OTOGL: variants seen among roughly 807,000 people sequenced by gnomAD.
OTOGL encodes the protein otogelin like.
A neutral mutation model predicts 318.5 loss-of-function variants in OTOGL; 285 were observed. The observed-to-expected ratio is 0.89, with a 90% CI of 0.81 to 0.99. OTOGL has a LOEUF of 0.99. OTOGL is among the 50% of genes least tolerant of loss of function. The pLI is 0.00. For missense variants in OTOGL, 2,899 were observed against 2,845.6 expected, an observed-to-expected ratio of 1.02 and a Z score of -0.43; for synonymous variants, 987 against 936.5, an observed-to-expected ratio of 1.05 and a Z score of -0.99.
At chr12:80,188,385 A>G (rs1279591619) in intron 1 of OTOGL, among the ~76,000 whole-genome samples, 1 of 151,890 alleles carries the variant, frequency 6.6e-6, no homozygotes, top group Admixed American at 6.6e-5. Context: ...TAAAAATACA[A>G]AAATTAGCCG....
chr12:80,220,640 C>A (rs1224313750), intron 6 of OTOGL, among the ~76,000 whole-genome samples: 1 of 119,726 alleles, frequency 8.4e-6, no homozygotes, highest in Non-Finnish European at 1.8e-5. Flanking sequence ...AATCTTTTAT[C>A]CACAGTGTCT....
At chr12:80,244,456 T>C (rs947482961) in intron 11 of OTOGL, among the ~76,000 whole-genome samples, 37 of 150,498 alleles carry the variant, frequency 2.5e-4, no homozygotes, top group Middle Eastern at 3.4e-3. Flanking sequence ...TTACTGAGAA[T>C]GATGATTTCC....
At chr12:80,256,947 A>G (rs1882102992) in intron 17 of OTOGL, among the ~76,000 whole-genome samples, 1 of 152,036 alleles carries the variant, frequency 6.6e-6, no homozygotes, top group Non-Finnish European at 1.5e-5. Context: ...CAGCATATTT[A>G]GGGGGAACCA....
At chr12:80,183,640 G>A (rs1382845311) in intron 1 of OTOGL, among the ~76,000 whole-genome samples, 1 of 152,212 alleles carries the variant, frequency 6.6e-6, no homozygotes, top group East Asian at 1.9e-4. Flanking sequence ...CAACACATTG[G>A]TAGTTGTAAA....
chr12:80,118,971 G>A (rs142105510), intron 1 of OTOGL, among the ~76,000 whole-genome samples: 2 of 151,628 alleles, frequency 1.3e-5, no homozygotes, highest in East Asian at 1.9e-4. Context: ...TTTATTTATC[G>A]AGAAGAGGCC....
rs1188627080 is a variant in OTOGL at position 80,358,893 on chromosome 12, G to A, written c.6260G>A (p.Cys2087Tyr). Residue 2087 changes from cysteine to tyrosine, a missense_variant, in exon 52 of 59, where the codon TGT becomes TAT. Cys to Tyr is a radical substitution (Grantham distance 194). This residue lies in a region of OTOGL where 2,607 missense variants were observed against 2,524.9 expected (regional missense o/e 1.03). Transcript: ENST00000547103. Reference sequence around the variant, plus strand: ...TGTGAAAACCTTATTATGCCAACTTGTGAAGTGGTAAGAACACATATTTTG... The same window carrying A: ...TGTGAAAACCTTATTATGCCAACTTATGAAGTGGTAAGAACACATATTTTG... ...CNCENLIMPTCEVGEFTAIDH... is the reference protein window; with the variant it reads ...CNCENLIMPTYEVGEFTAIDH... 1 of 1,495,454 alleles carries A rather than the reference G, an allele frequency of 6.7e-7. No individual in the cohort carries two copies. The highest frequency in any genetic ancestry group is 2.0e-5 in the Admixed American group (1 of 50,754). 92.6% of individuals were successfully genotyped at this position (1,495,454 alleles called of 1,614,324 possible).
At chr12:80,282,182 A>G (rs901580675) in intron 26 of OTOGL, among the ~76,000 whole-genome samples, 2 of 151,890 alleles carry the variant, frequency 1.3e-5, no homozygotes, top group African/African-American at 4.8e-5. Context: ...AAGAATAAAC[A>G]AAATAACATC....
Position 80,150,077 on chromosome 12 carries a change from G to A in OTOGL, c.-20+50472G>A, listed in dbSNP as rs148142528. Among the ~76,000 whole-genome samples, 63 of 152,146 alleles carry A rather than the reference G, an allele frequency of 4.1e-4. 1 individual carries two copies. The highest frequency in any genetic ancestry group is 9.9e-4 in the African/African-American group (41 of 41,514). On this transcript the variant is annotated intron_variant, in intron 1 of 58. Coordinates refer to ENST00000547103, the MANE Select transcript of OTOGL (RefSeq NM_001378609.3). Reference sequence around the variant, plus strand: ...TCCTATTCGGCCATCTTGGCTTCTCGCTTTTCTTTATATAGTGTCTGGTGC... The same window carrying A: ...TCCTATTCGGCCATCTTGGCTTCTCACTTTTCTTTATATAGTGTCTGGTGC...
intron 18 of OTOGL, among the ~76,000 whole-genome samples, chr12:80,258,644 G>A (rs1882272102): frequency 3.9e-5 from 6 of 152,104 alleles, no homozygotes. Context: ...CATGCTAAAA[G>A]CACAATGGGA....
chr12:80,364,222 C>T (rs1380579774), intron 52 of OTOGL, among the ~76,000 whole-genome samples: 3 of 152,052 alleles, frequency 2.0e-5, no homozygotes, highest in African/African-American at 7.2e-5. Context: ...TTTTAACATT[C>T]GTGGCTTTAC....
chr12:80,337,647 C>T (rs2137920387), intron 42 of OTOGL, among the ~76,000 whole-genome samples: 1 of 151,932 alleles, frequency 6.6e-6, no homozygotes, highest in South Asian at 2.1e-4. Context: ...CTCAGTGCTT[C>T]ACTCAGTTCT....
At chr12:80,199,389 C>G (rs1034466913) in intron 1 of OTOGL, among the ~76,000 whole-genome samples, 2 of 152,202 alleles carry the variant, frequency 1.3e-5, no homozygotes, top group African/African-American at 4.8e-5. Flanking sequence ...CCTTTCAGGG[C>G]ATCTTGTATT....
At chr12:80,262,901 T>G (rs1882664040) in intron 19 of OTOGL, among the ~76,000 whole-genome samples, 1 of 152,174 alleles carries the variant, frequency 6.6e-6, no homozygotes, top group African/African-American at 2.4e-5. Flanking sequence ...ACTATTTGGA[T>G]GTAGTTTTTA....
intron 1 of OTOGL, among the ~76,000 whole-genome samples, chr12:80,149,366 G>A (rs532973381): frequency 2.1e-4 from 32 of 152,268 alleles, no homozygotes; most frequent in African/African-American, 6.5e-4. Flanking sequence ...TAGGCTGCTC[G>A]GGGGTCGGGG....
chr12:80,336,648 C>A, intron 40 of OTOGL, 93 bp downstream of exon 40: 1 of 1,454,198 alleles, frequency 6.9e-7, no homozygotes. Context: ...GGAGGGAGCT[C>A]AAGAACTCAC....
chr12:80,365,920 G>A (rs1318492746), intron 52 of OTOGL, among the ~76,000 whole-genome samples: 4 of 152,126 alleles, frequency 2.6e-5, no homozygotes, highest in Non-Finnish European at 5.9e-5. Flanking sequence ...TGTATTTGGT[G>A]GGAAGAATCT....
Position 80,318,596 on chromosome 12 carries a change from G to T in OTOGL, c.3685G>T (p.Val1229Phe). Residue 1229 changes from valine to phenylalanine, a missense_variant, in exon 33 of 59, where the codon GTT becomes TTT. Around this residue, in one of 3 missense-constraint regions of OTOGL, gnomAD observed 2,607 missense variants for 2,524.9 expected, o/e 1.03. Coordinates refer to ENST00000547103, the MANE Select transcript of OTOGL (RefSeq NM_001378609.3). ...GGCAAGCTATGGGCAGAGTGGCCTTGTTCTGGGGGCCAATATGACCAGCAG... is the reference window on the plus strand; with the variant it reads ...GGCAAGCTATGGGCAGAGTGGCCTTTTTCTGGGGGCCAATATGACCAGCAG... ...MLASYGQSGL[V>F]LGANMTSRSV... 6.9e-7 allele frequency: 1 copy of T among 1,451,852 alleles called. No homozygotes were observed. The highest frequency in any genetic ancestry group is 9.1e-7 in the Non-Finnish European group (1 of 1,103,232). 89.9% of individuals were successfully genotyped at this position (1,451,852 alleles called of 1,614,324 possible). A position where few individuals can be genotyped will look rare whatever the true frequency, so the allele number is the denominator to read the frequency against.
At chr12:80,286,314 G>A (rs1884617076) in intron 26 of OTOGL, among the ~76,000 whole-genome samples, 1 of 152,148 alleles carries the variant, frequency 6.6e-6, no homozygotes. Flanking sequence ...TGTACATCGG[G>A]GATGTTGGCT....
intron 43 of OTOGL, 43 bp downstream of exon 43, chr12:80,339,307 T>G (rs778367432): frequency 4.0e-5 from 56 of 1,404,868 alleles, no homozygotes; most frequent in Middle Eastern, 1.9e-4. Context: ...TGTTTTTTTT[T>G]TTTTTTTTTT....
Sources: allele counts gnomAD v4.1 joint callset (sites outside exome capture counted in the v4.1 genomes callset), GRCh38; gene constraint gnomAD v4.1.1; regional missense constraint gnomAD v4.1.1; transcripts MANE v1.5; gene names NCBI Gene and HGNC (gene_info 2026-07-23, HGNC 2026-07-21).